WDR43: variants seen among roughly 807,000 people sequenced by gnomAD.
WDR43 encodes the protein WD repeat-containing protein 43.
In WDR43, 13 loss-of-function variants were observed where a neutral mutation model predicts 91.4. The ratio of observed to expected loss-of-function variants is 0.14; its 90% CI spans 0.09 to 0.23. The LOEUF (loss-of-function observed/expected upper bound fraction) is 0.23, where lower values mean the gene tolerates loss of function less well. WDR43 is among the 10% of genes least tolerant of loss of function. The probability of loss-of-function intolerance (pLI) is 1.00; values close to 1 mark genes in which losing one functional copy is unlikely to be tolerated. For synonymous variants in WDR43, 331 were observed against 287.9 expected, an observed-to-expected ratio of 1.15 and a Z score of -1.51; for missense variants, 780 against 809.4, an observed-to-expected ratio of 0.96 and a Z score of 0.44.
At chr2:28,910,569 G>A (rs750714933) in intron 3 of WDR43, among the ~76,000 whole-genome samples, 25 of 151,504 alleles carry the variant, frequency 1.7e-4, no homozygotes, top group Non-Finnish European at 3.4e-4. Flanking sequence ...TTATTGATAT[G>A]AAGGAGCTAT....
At chr2:28,927,324 C>T (rs1671158847) in intron 9 of WDR43, 5 of 497,920 alleles carry the variant, frequency 1.0e-5, no homozygotes, top group Admixed American at 6.5e-5. Flanking sequence ...TGATAACCAA[C>T]TACTGTCAGG....
chr2:28,919,852 TA>T (rs1280450682), intron 6 of WDR43, among the ~76,000 whole-genome samples: 5 of 152,028 alleles, frequency 3.3e-5, no homozygotes, highest in Non-Finnish European at 5.9e-5. Context: ...TATTTTATTT[TA>T]TTTTTTTTGG....
intron 5 of WDR43, among the ~76,000 whole-genome samples, chr2:28,915,666 A>G (rs1670892523): frequency 6.6e-6 from 1 of 152,232 alleles, no homozygotes; most frequent in African/African-American, 2.4e-5. Context: ...GGGGATAGGT[A>G]GAGCGGGCCT....
chr2:28,907,330 AG>A (rs1385498082), intron 3 of WDR43, among the ~76,000 whole-genome samples: 1 of 152,004 alleles, frequency 6.6e-6, no homozygotes, highest in African/African-American at 2.4e-5. Context: ...GGTATGCAAG[AG>A]AGAGCCATTG....
chr2:28,937,443 A>T (rs1427186396), intron 13 of WDR43, among the ~76,000 whole-genome samples: 1 of 152,054 alleles, frequency 6.6e-6, no homozygotes, highest in African/African-American at 2.4e-5. Flanking sequence ...CGTGGGGTGC[A>T]TTAGCCTTCT....
chr2:28,926,286 A>G (rs561042576), intron 8 of WDR43, among the ~76,000 whole-genome samples, 182 bp from the exon 9 acceptor site: 71 of 152,322 alleles, frequency 4.7e-4, no homozygotes, highest in African/African-American at 1.7e-3. Flanking sequence ...AACTGCCGTC[A>G]GTCTGAGTGG....
chr2:28,932,237 C>A (rs1671261937), intron 11 of WDR43, among the ~76,000 whole-genome samples: 1 of 152,138 alleles, frequency 6.6e-6, no homozygotes, highest in African/African-American at 2.4e-5. Context: ...GGTCTCAGCT[C>A]ACTGCAACCT....
chr2:28,946,347 A>T, intron 16 of WDR43, 103 bp from the exon 17 acceptor site: 1 of 1,154,198 alleles, frequency 8.7e-7, no homozygotes, highest in Non-Finnish European at 1.2e-6. Flanking sequence ...AAATATAAAT[A>T]ATATTTCTAA....
At position 28,947,632 on chromosome 2, in the gene WDR43, T is replaced by G. The variant is rs1345250856; in HGVS notation, c.*853T>G. ...TACTAATGGATCAAAGAACAATTGT[T>G]TATTTTTTCTCTTTGGTTTTAGATA... On this transcript the variant is annotated 3_prime_UTR_variant, in exon 18 of 18. Transcript: ENST00000407426. The G allele has an allele frequency of 6.6e-6, 1 of 152,066 alleles. No individual in the cohort carries two copies. The highest frequency in any genetic ancestry group is 1.5e-5 in the Non-Finnish European group (1 of 68,004). The allele number at this position is 152,066 out of a possible 1,614,324, so 9.4% of individuals were successfully genotyped here.
chr2:28,898,730 G>A (rs1474078524), intron 1 of WDR43, among the ~76,000 whole-genome samples: 1 of 151,980 alleles, frequency 6.6e-6, no homozygotes, highest in African/African-American at 2.4e-5. Context: ...AAGTATCAGA[G>A]TACTACTAGC....
At chr2:28,902,213 G>A (rs140893731) in intron 2 of WDR43, 89 bp downstream of exon 2, 44 of 1,400,704 alleles carry the variant, frequency 3.1e-5, no homozygotes, top group African/African-American at 7.2e-5. Context: ...CAAGGTATGT[G>A]ATGGGATCTG....
rs551933922 is a variant in WDR43, at chr2:28,947,138, T to C, written c.*359T>C. 6.3e-6 allele frequency: 1 copy of C among 158,724 alleles called. No homozygotes were observed. Among genetic ancestry groups the C allele is most frequent in the South Asian group, 2.0e-4 (1 of 4,936 alleles). The allele number at this position is 158,724 out of a possible 1,614,324, so 9.8% of individuals were successfully genotyped here. ...TAGGAGTTCAAGAACTGGACTGTTGTGAAGAAGTCAGCTCTTATCTCAGGT... is the reference window on the plus strand; with the variant it reads ...TAGGAGTTCAAGAACTGGACTGTTGCGAAGAAGTCAGCTCTTATCTCAGGT... On this transcript the variant is annotated 3_prime_UTR_variant, in exon 18 of 18. Coordinates refer to ENST00000407426, the MANE Select transcript of WDR43 (RefSeq NM_015131.3).
At chr2:28,896,133 TC>T (rs1670476401) in intron 1 of WDR43, among the ~76,000 whole-genome samples, 5 of 152,206 alleles carry the variant, frequency 3.3e-5, no homozygotes, top group Non-Finnish European at 5.9e-5. Context: ...ATTACAGCGC[TC>T]TGCTTATCTT....
At position 28,894,728 on chromosome 2, in the gene WDR43, C is replaced by T. The variant is rs771251041; in HGVS notation, c.30C>T (p.Asp10=). 13 of 1,576,752 alleles carry T rather than the reference C, an allele frequency of 8.2e-6. No individual in the cohort carries two copies. The highest frequency in any genetic ancestry group is 5.6e-5 in the Admixed American group (3 of 53,738). ...CGGCGGGCGGCGGCGGTAGCTGCGA[C>T]CCCCTGGCCCCTGCTGGGGTCCCTT... MAAGGGGSC[D]PLAPAGVPCA... Residue 10 remains aspartate (D), a synonymous_variant, in exon 1 of 18, where the codon GAC becomes GAT. Coordinates refer to ENST00000407426, the MANE Select transcript of WDR43 (RefSeq NM_015131.3).
chr2:28,913,330 A>T (rs1275763438), intron 4 of WDR43, among the ~76,000 whole-genome samples: 1 of 151,822 alleles, frequency 6.6e-6, no homozygotes, highest in East Asian at 2.0e-4. Flanking sequence ...GTTACCTTTT[A>T]AAAAACAAAA....
Position 28,946,738 on chromosome 2 carries a change from G to A in WDR43, c.1993G>A (p.Asp665Asn), listed in dbSNP as rs756976332. ...AGCAAGTGAAAAAGAATTAAATGGA[G>A]ATTCTGATTTAGATCCTGAAAATGA... Reference protein sequence around the residue: ...DTASEKELNGDSDLDPENESE... With the variant: ...DTASEKELNGNSDLDPENESE... The change falls in exon 18 of 18, where the codon GAT becomes AAT. Residue 665 changes from aspartate to asparagine, a missense_variant. Asp to Asn is a conservative substitution (Grantham distance 23, BLOSUM62 1). Coordinates refer to ENST00000407426, the MANE Select transcript of WDR43 (RefSeq NM_015131.3). 1.5e-5 allele frequency: 24 copies of A among 1,586,874 alleles called. No homozygotes were observed. In the East Asian group the frequency reaches 5.0e-4, roughly 33 times the overall value.
At chr2:28,943,748 T>C (rs140740974) in intron 16 of WDR43, among the ~76,000 whole-genome samples, 1,608 of 152,338 alleles carry the variant, frequency 0.011, 30 homozygotes, top group African/African-American at 0.036. Context: ...TGATAATTTA[T>C]ATGGAACAAA....
At position 28,946,829 on chromosome 2, in the gene WDR43, C is replaced by A; in HGVS notation, c.*50C>A. ...CTATATAAACTCTGGCTCACCTTGC[C>A]CAGTGGTGAGGGCTGCCTCTGTGCC... On this transcript the variant is annotated 3_prime_UTR_variant, in exon 18 of 18. Transcript: ENST00000407426. 6.7e-7 allele frequency: 1 copy of A among 1,500,866 alleles called. No individual in the cohort carries two copies. The highest frequency in any genetic ancestry group is 8.9e-7 in the Non-Finnish European group (1 of 1,129,486). 93.0% of individuals were successfully genotyped at this position (1,500,866 alleles called of 1,614,324 possible). A position where few individuals can be genotyped will look rare whatever the true frequency, so the allele number is the denominator to read the frequency against.
At chr2:28,895,002 C>T (rs1325390101) in intron 1 of WDR43, 79 bp downstream of exon 1, 11 of 1,346,356 alleles carry the variant, frequency 8.2e-6, no homozygotes, top group South Asian at 1.6e-5. Flanking sequence ...GCGCGTGGTC[C>T]GGCATCGCGC....
Sources: gnomAD v4.1 joint callset for allele counts (sites outside exome capture counted in the v4.1 genomes callset) on GRCh38, gnomAD v4.1.1 for gene constraint, MANE v1.5 for transcripts, NCBI Gene and HGNC (gene_info 2026-07-23, HGNC 2026-07-21) for gene names.